Variants in GPC5 observed in about 807,000 individuals in gnomAD.
GPC5 encodes the protein glypican 5.
In GPC5, 47 loss-of-function variants were observed where a neutral mutation model predicts 53.9. The ratio of observed to expected loss-of-function variants is 0.87; its 90% CI spans 0.69 to 1.11. The LOEUF (loss-of-function observed/expected upper bound fraction) is 1.11, where lower values mean the gene tolerates loss of function less well. Among genes scored for constraint, GPC5 ranks in the 50% most tolerant of loss-of-function variants. The probability of loss-of-function intolerance (pLI) is 0.00; values close to 1 mark genes in which losing one functional copy is unlikely to be tolerated. For synonymous variants in GPC5, 286 were observed against 263.3 expected, an observed-to-expected ratio of 1.09 and a Z score of -0.84; for missense variants, 748 against 713.1, an observed-to-expected ratio of 1.05 and a Z score of -0.56.
intron 7 of GPC5, among the ~76,000 whole-genome samples, chr13:92,359,955 T>G (rs556969752): frequency 6.6e-6 from 1 of 151,870 alleles, no homozygotes; most frequent in African/African-American, 2.4e-5. Context: ...TGTAAATTTG[T>G]GTCTTATAGG....
chr13:92,157,491 T>C (rs534588195), intron 7 of GPC5, among the ~76,000 whole-genome samples: 4 of 152,266 alleles, frequency 2.6e-5, no homozygotes, highest in South Asian at 4.1e-4. Context: ...TGACTACATC[T>C]CATAAAGATG....
At chr13:91,558,180 A>G (rs1270106271) in intron 2 of GPC5, among the ~76,000 whole-genome samples, 1 of 152,102 alleles carries the variant, frequency 6.6e-6, no homozygotes, top group Admixed American at 6.6e-5. Context: ...TGAGGCTGTC[A>G]AAACAATTCT....
chr13:91,447,653 G>A (rs1880898903), intron 1 of GPC5, among the ~76,000 whole-genome samples: 1 of 152,078 alleles, frequency 6.6e-6, no homozygotes, highest in Non-Finnish European at 1.5e-5. Context: ...AGTAGGAAGG[G>A]CTTGAAAGGT....
At chr13:92,178,904 GA>G (rs1307202120) in intron 7 of GPC5, among the ~76,000 whole-genome samples, 4 of 152,128 alleles carry the variant, frequency 2.6e-5, no homozygotes, top group Non-Finnish European at 4.4e-5. Context: ...CCAGGAGGTG[GA>G]GGTTGCAGTG....
chr13:92,166,075 A>C (rs1471988539), intron 7 of GPC5, among the ~76,000 whole-genome samples: 1 of 152,240 alleles, frequency 6.6e-6, no homozygotes, highest in African/African-American at 2.4e-5. Context: ...AGAAAATTGC[A>C]GAAGAAACTT....
Position 92,012,243 on chromosome 13 carries a change from C to T in GPC5, c.1401+104186C>T, listed in dbSNP as rs913602320. On this transcript the variant is annotated intron_variant, in intron 6 of 7. Transcript: ENST00000377067. Reference sequence around the variant, plus strand: ...GCTTTTTAATAGCTTGATTTGAAAACGATTTAATTTTTTTCATTTTCTTTT... The same window carrying T: ...GCTTTTTAATAGCTTGATTTGAAAATGATTTAATTTTTTTCATTTTCTTTT... 8.5e-5 allele frequency among the ~76,000 whole-genome samples: 13 copies of T among 152,118 alleles called. No homozygotes were observed. In the East Asian group the frequency reaches 9.7e-4, roughly 11 times the overall value.
intron 6 of GPC5, among the ~76,000 whole-genome samples, chr13:91,984,580 C>T (rs1037574229): frequency 6.6e-6 from 1 of 152,144 alleles, no homozygotes; most frequent in African/African-American, 2.4e-5. Context: ...TAGTTGTTTT[C>T]ATGAGAGGGC....
At chr13:91,965,174 T>C (rs963145833) in intron 6 of GPC5, among the ~76,000 whole-genome samples, 5 of 152,024 alleles carry the variant, frequency 3.3e-5, no homozygotes, top group African/African-American at 7.2e-5. Context: ...ATGGCAAATG[T>C]ATACATGTGT....
At chr13:92,232,613 G>C (rs955583777) in intron 7 of GPC5, among the ~76,000 whole-genome samples, 3 of 152,152 alleles carry the variant, frequency 2.0e-5, no homozygotes, top group Non-Finnish European at 4.4e-5. Context: ...TCCTCTAAAA[G>C]AAAGTGTTGA....
chr13:92,709,482 T>G (rs2139266805), intron 7 of GPC5: 1 of 152,372 alleles, frequency 6.6e-6, no homozygotes, highest in Non-Finnish European at 1.5e-5. Flanking sequence ...ATATTTGTTT[T>G]ACTCACGTTT....
Position 92,229,178 on chromosome 13 carries a change from G to A in GPC5, c.1561+84189G>A, listed in dbSNP as rs142896569. On this transcript the variant is annotated intron_variant, in intron 7 of 7. Coordinates refer to ENST00000377067, the MANE Select transcript of GPC5 (RefSeq NM_004466.6). Reference sequence around the variant, plus strand: ...AAAGGGGAAGTGTTAAAGATGTTAAGTGGGGAAGTGAGGTACAAAGTGTGT... The same window carrying A: ...AAAGGGGAAGTGTTAAAGATGTTAAATGGGGAAGTGAGGTACAAAGTGTGT... Among the ~76,000 whole-genome samples, 318 of 152,172 alleles carry A rather than the reference G, an allele frequency of 2.1e-3. 5 individuals carry two copies. Among genetic ancestry groups the A allele is most frequent in the East Asian group, 0.019 (99 of 5,180 alleles).
rs73620827 is a variant in GPC5 at position 92,151,650 on chromosome 13, G to A, written c.1561+6661G>A. ...CTTCCATCCTTTTGCAGGGCCTGAC[G>A]CTCTCAGGTTATACTTTCTTTAAGG... On this transcript the variant is annotated intron_variant, in intron 7 of 7. Transcript: ENST00000377067. 7.3e-3 allele frequency among the ~76,000 whole-genome samples: 1,114 copies of A among 152,180 alleles called. 24 individuals carry two copies. The highest frequency in any genetic ancestry group is 0.025 in the African/African-American group (1,040 of 41,534).
chr13:92,267,598 T>G (rs1293997200), intron 7 of GPC5, among the ~76,000 whole-genome samples: 1 of 152,142 alleles, frequency 6.6e-6, no homozygotes, highest in African/African-American at 2.4e-5. Context: ...TTTCTTCACA[T>G]TCTTCTTAAT....
intron 6 of GPC5, among the ~76,000 whole-genome samples, chr13:92,060,860 C>T (rs1341227903): frequency 6.6e-6 from 1 of 152,022 alleles, no homozygotes; most frequent in East Asian, 1.9e-4. Context: ...TTGTCACCAA[C>T]CCTACTTAAT....
intron 7 of GPC5, among the ~76,000 whole-genome samples, chr13:92,482,258 A>C (rs1278315475): frequency 1.3e-5 from 2 of 152,184 alleles, no homozygotes; most frequent in Non-Finnish European, 2.9e-5. Context: ...TTATGTCCAC[A>C]TGTCCACAAC....
At chr13:92,291,446 C>T (rs2042994974) in intron 7 of GPC5, among the ~76,000 whole-genome samples, 1 of 152,102 alleles carries the variant, frequency 6.6e-6, no homozygotes, top group African/African-American at 2.4e-5. Flanking sequence ...TGTGAATGCA[C>T]CAATCGACAC....
intron 6 of GPC5, among the ~76,000 whole-genome samples, chr13:92,070,850 G>A (rs1337222657): frequency 4.0e-5 from 6 of 151,814 alleles, no homozygotes; most frequent in African/African-American, 7.3e-5. Flanking sequence ...TCTATGTATT[G>A]TTTAGTTTAT....
intron 7 of GPC5, among the ~76,000 whole-genome samples, chr13:92,250,831 G>A (rs1461556414): frequency 6.6e-6 from 1 of 151,970 alleles, no homozygotes; most frequent in Admixed American, 6.6e-5. Flanking sequence ...AATAAAGCCT[G>A]AGAAGCTTTA....
chr13:91,940,798 G>A (rs544272869), intron 6 of GPC5, among the ~76,000 whole-genome samples: 51 of 152,106 alleles, frequency 3.4e-4, no homozygotes, highest in African/African-American at 1.2e-3. Context: ...GTTTTCATTT[G>A]AGAAGCGTCT....
Sources: allele counts gnomAD v4.1 joint callset (sites outside exome capture counted in the v4.1 genomes callset), GRCh38; gene constraint gnomAD v4.1.1; transcripts MANE v1.5; gene names NCBI Gene and HGNC (gene_info 2026-07-23, HGNC 2026-07-21).